The following PHF3 variants were observed in gnomAD, a reference collection of about 807,000 sequenced individuals.
The protein encoded by PHF3 is PHD finger protein 3.
A neutral mutation model predicts 178.4 loss-of-function variants in PHF3; 41 were observed. That is an observed-to-expected ratio of 0.23 (90% CI 0.18 to 0.30). The LOEUF (loss-of-function observed/expected upper bound fraction) is 0.30, where lower values mean the gene tolerates loss of function less well. Among genes scored for constraint, PHF3 ranks in the 10% least tolerant of loss-of-function variants. The pLI is 1.00. For synonymous variants in PHF3, 842 were observed against 800.5 expected, an observed-to-expected ratio of 1.05 and a Z score of -0.88; for missense variants, 2,346 against 2,398.1, an observed-to-expected ratio of 0.98 and a Z score of 0.45.
intron 4 of PHF3, among the ~76,000 whole-genome samples, chr6:63,691,185 TAAAC>T (rs1766982227): frequency 6.6e-6 from 1 of 152,178 alleles, no homozygotes; most frequent in Non-Finnish European, 1.5e-5. Flanking sequence ...AGGTGGCTAA[TAAAC>T]AGTTTGAGAG....
chr6:63,713,537 A>G lies in PHF3; in HGVS notation c.5949A>G (p.Gly1983=), dbSNP rs1768066423. The G allele has an allele frequency of 1.2e-6, 2 of 1,613,528 alleles. No individual in the cohort carries two copies. The highest frequency in any genetic ancestry group is 1.1e-5 in the South Asian group (1 of 91,048). The change falls in exon 16 of 16, where the codon GGA becomes GGG. Residue 1983 remains glycine (G), a synonymous_variant. Transcript: ENST00000262043. ...RLSHGDRGTD[G]KASRDSRNVD... ...CACATGGTGATCGAGGAACAGATGG[A>G]AAAGCAAGCAGAGATAGTAGGAATG...
At position 63,716,102 on chromosome 6, in the gene PHF3, CCT is replaced by C. The variant is rs770698857; in HGVS notation, c.*2397_*2398del. 2.6e-5 allele frequency among the ~76,000 whole-genome samples: 4 copies of C among 152,090 alleles called. No homozygotes were observed. Among genetic ancestry groups the C allele is most frequent in the Non-Finnish European group, 5.9e-5 (4 of 68,024 alleles). ...TGGCAATCAGAAAGCCTCCTTGAGC[CCT>C]CTGTAAGGCATCCCTGGTTTTGAGC... On this transcript the variant is annotated 3_prime_UTR_variant, in exon 16 of 16. Transcript: ENST00000262043.
At chr6:63,656,098 T>G (rs1765223299) in intron 2 of PHF3, among the ~76,000 whole-genome samples, 1 of 152,242 alleles carries the variant, frequency 6.6e-6, no homozygotes, top group Non-Finnish European at 1.5e-5. Flanking sequence ...CTTTATAAAT[T>G]CAGAAAATCC....
Position 63,721,422 on chromosome 6 carries a change from T to C in PHF3, c.*7714T>C. ...GGCTGTCCCATCACAGTCACCTACA[T>C]TTGAGCCACCTTTTGCTCCAAATTC... is the stretch of plus-strand genomic sequence containing the variant. On this transcript the variant is annotated 3_prime_UTR_variant, in exon 16 of 16. Transcript: ENST00000262043. 6.4e-7 allele frequency: 1 copy of C among 1,551,748 alleles called. No individual in the cohort carries two copies. The highest frequency in any genetic ancestry group is 2.4e-5 in the East Asian group (1 of 40,920).
At position 63,684,396 on chromosome 6, in the gene PHF3, G is replaced by T. The variant is rs751013325; in HGVS notation, c.674G>T (p.Cys225Phe). The change falls in exon 4 of 16, where the codon TGT becomes TTT. Residue 225 changes from cysteine to phenylalanine, a missense_variant. Physicochemically the swap from Cys to Phe is radical, Grantham distance 205 (BLOSUM62 -2). Transcript: ENST00000262043. ...TCAAGTCATTCTTCAGTGTCATCTTGTCTTGAAATGAAGGATGAAGATGGA... is the reference window on the plus strand; with the variant it reads ...TCAAGTCATTCTTCAGTGTCATCTTTTCTTGAAATGAAGGATGAAGATGGA... Reference protein sequence around the residue: ...VSSSHSSVSSCLEMKDEDGLD... With the variant: ...VSSSHSSVSSFLEMKDEDGLD... 2.5e-6 allele frequency: 4 copies of T among 1,613,916 alleles called. 1 individual carries two copies. The highest frequency in any genetic ancestry group is 3.4e-6 in the Non-Finnish European group (4 of 1,179,902).
chr6:63,640,015 CT>C (rs1409846572), intron 1 of PHF3, among the ~76,000 whole-genome samples: 3 of 152,204 alleles, frequency 2.0e-5, no homozygotes, highest in African/African-American at 7.2e-5. Flanking sequence ...TTCCTAGGGA[CT>C]TAGGTCTGCT....
intron 1 of PHF3, among the ~76,000 whole-genome samples, chr6:63,643,055 A>T (rs940320334): frequency 3.9e-5 from 6 of 152,068 alleles, no homozygotes; most frequent in Non-Finnish European, 7.4e-5. Context: ...AACAGAGATT[A>T]TTATTATTGG....
chr6:63,689,898 T>C (rs1056868217), intron 4 of PHF3, among the ~76,000 whole-genome samples: 58 of 152,312 alleles, frequency 3.8e-4, no homozygotes, highest in African/African-American at 1.3e-3. Context: ...AATCTTAATA[T>C]ACCTTTGATT....
Position 63,721,398 on chromosome 6 carries a change from G to GCTGT in PHF3, c.*7692_*7695dup. On this transcript the variant is annotated 3_prime_UTR_variant, in exon 16 of 16. Coordinates refer to ENST00000262043, the MANE Select transcript of PHF3 (RefSeq NM_001370348.2). ...ATTTCTGCATGTGTTGTACCCACAG[G>GCTGT]CTGTCCCATCACAGTCACCTACATT... 1 of 1,551,552 alleles carries GCTGT rather than the reference G, an allele frequency of 6.4e-7. No homozygotes were observed. Among genetic ancestry groups the GCTGT allele is most frequent in the Non-Finnish European group, 8.7e-7 (1 of 1,146,858 alleles).
At chr6:63,706,008 T>C (rs1357280745) in intron 11 of PHF3, 21 bp from the exon 12 acceptor site, 1 of 1,568,994 alleles carries the variant, frequency 6.4e-7, no homozygotes, top group East Asian at 2.2e-5. Context: ...GTTGGTTTCT[T>C]TTGATGTATT....
intron 1 of PHF3, among the ~76,000 whole-genome samples, chr6:63,637,686 A>T (rs1764404257): frequency 6.6e-6 from 1 of 151,972 alleles, no homozygotes; most frequent in Non-Finnish European, 1.5e-5. Context: ...TACATACTTC[A>T]TTTTCTGGTG....
chr6:63,720,816 G>A lies in PHF3; in HGVS notation c.*7108G>A. The stretch of plus-strand genomic sequence containing the variant: ...GTTTAGAGCCACAAAGTTTTTATGT[G>A]GATCAATATCCTCGGAAAGAATTAG... On this transcript the variant is annotated 3_prime_UTR_variant, in exon 16 of 16. Coordinates refer to ENST00000262043, the MANE Select transcript of PHF3 (RefSeq NM_001370348.2). 1.3e-6 allele frequency: 2 copies of A among 1,551,034 alleles called. No individual in the cohort carries two copies. The highest frequency in any genetic ancestry group is 1.7e-6 in the Non-Finnish European group (2 of 1,146,604).
chr6:63,639,664 A>C (rs1764491029), intron 1 of PHF3, among the ~76,000 whole-genome samples: 1 of 152,214 alleles, frequency 6.6e-6, no homozygotes, highest in Non-Finnish European at 1.5e-5. Context: ...TGGGCAAATT[A>C]TGTAATTATC....
intron 1 of PHF3, among the ~76,000 whole-genome samples, chr6:63,641,837 A>G (rs1764590041): frequency 6.6e-6 from 1 of 152,016 alleles, no homozygotes; most frequent in Non-Finnish European, 1.5e-5. Flanking sequence ...CATATTGGTC[A>G]GGCTGGTCTC....
rs1034838889 is a variant in PHF3, at chr6:63,684,740, G to T, written c.1018G>T (p.Gly340Ter). Reference sequence around the variant, plus strand: ...AGATGACCATATTCTTGAGGACGCTGGATCTTCTGATATTTCTAGTGATGC... The same window carrying T: ...AGATGACCATATTCTTGAGGACGCTTGATCTTCTGATATTTCTAGTGATGC... ...HEDDHILEDA[G>*]SSDISSDAAC... is the part of the protein sequence containing the mutation. The change falls in exon 4 of 16, where the codon GGA (glycine) becomes TGA (stop). Residue 340 changes from glycine (G) to a stop codon, truncating the protein, a stop_gained. Transcript: ENST00000262043. LOFTEE classifies it high-confidence loss of function. 4.3e-6 allele frequency: 7 copies of T among 1,613,686 alleles called. No individual in the cohort carries two copies. Among genetic ancestry groups the T allele is most frequent in the Non-Finnish European group, 5.1e-6 (6 of 1,179,764 alleles).
chr6:63,669,493 A>G (rs3778647), intron 2 of PHF3, among the ~76,000 whole-genome samples: 23,054 of 152,208 alleles, frequency 0.15, 2,053 homozygotes, highest in African/African-American at 0.25. Context: ...CAAACATCTA[A>G]AATATTCGAT....
At chr6:63,657,926 G>T (rs533980823) in intron 2 of PHF3, among the ~76,000 whole-genome samples, 4 of 152,296 alleles carry the variant, frequency 2.6e-5, no homozygotes, top group African/African-American at 9.6e-5. Flanking sequence ...GATAGCCTGA[G>T]GTTATTTTGG....
At chr6:63,678,434 G>A (rs1050280236) in intron 2 of PHF3, among the ~76,000 whole-genome samples, 1 of 152,026 alleles carries the variant, frequency 6.6e-6, no homozygotes, top group Non-Finnish European at 1.5e-5. Context: ...TAGCATAATG[G>A]TTAAAAGCGT....
At chr6:63,703,736 G>GTA in intron 11 of PHF3, 65 bp downstream of exon 11, 1 of 1,451,738 alleles carries the variant, frequency 6.9e-7, no homozygotes, top group Non-Finnish European at 9.4e-7. Flanking sequence ...TTAGATACTA[G>GTA]TATATGTAAT....
Sources: allele counts gnomAD v4.1 joint callset (sites outside exome capture counted in the v4.1 genomes callset), GRCh38; gene constraint gnomAD v4.1.1; transcripts MANE v1.5; gene names NCBI Gene and HGNC (gene_info 2026-07-23, HGNC 2026-07-21).